Variants in LOC128462377 observed in about 807,000 individuals in gnomAD.
chr16:89,352,421 C>A, the LOC128462377 span, among the ~76,000 whole-genome samples: 1 of 151,458 alleles, frequency 6.6e-6, no homozygotes, highest in African/African-American at 2.4e-5. Flanking sequence ...CCCTCCTGCT[C>A]TCAGGTCAGT....
chr16:89,350,869 C>T, the LOC128462377 span, among the ~76,000 whole-genome samples: 1 of 152,074 alleles, frequency 6.6e-6, no homozygotes, highest in Admixed American at 6.5e-5. Flanking sequence ...GGAACGGGTC[C>T]CATGGCATAA....
chr16:89,338,112 G>A, the LOC128462377 span, among the ~76,000 whole-genome samples: 26 of 152,310 alleles, frequency 1.7e-4, no homozygotes, highest in African/African-American at 6.0e-4. Flanking sequence ...GGCCATCCCA[G>A]GACGCCGCCC....
chr16:89,405,945 AC>A, the LOC128462377 span, among the ~76,000 whole-genome samples: 94 of 152,202 alleles, frequency 6.2e-4, no homozygotes, highest in African/African-American at 2.2e-3. Context: ...CCCCGTCTCT[AC>A]TAAAAAGACA....
chr16:89,388,617 G>A, the LOC128462377 span, among the ~76,000 whole-genome samples: 1 of 152,288 alleles, frequency 6.6e-6, no homozygotes, highest in African/African-American at 2.4e-5. Flanking sequence ...ATTTGCACCT[G>A]AGAAGATGGG....
At chr16:89,416,786 A>G in the LOC128462377 span, among the ~76,000 whole-genome samples, 13 of 152,032 alleles carry the variant, frequency 8.6e-5, no homozygotes, top group Non-Finnish European at 1.5e-4. Context: ...AAAAAAATTA[A>G]AAAAAGAAAA....
chr16:89,373,829 T>G, the LOC128462377 span, among the ~76,000 whole-genome samples: 1 of 152,184 alleles, frequency 6.6e-6, no homozygotes, highest in Non-Finnish European at 1.5e-5. Flanking sequence ...ACAAGATTGG[T>G]AGAACCTTAT....
chr16:89,318,233 C>G, the LOC128462377 span, among the ~76,000 whole-genome samples: 1 of 152,204 alleles, frequency 6.6e-6, no homozygotes, highest in Non-Finnish European at 1.5e-5. Flanking sequence ...CATGGACACT[C>G]TCGGAGCATG....
the LOC128462377 span, among the ~76,000 whole-genome samples, chr16:89,365,462 C>T: frequency 6.6e-6 from 1 of 152,222 alleles, no homozygotes; most frequent in Non-Finnish European, 1.5e-5. Context: ...AGATGAGAGG[C>T]CTGTGCTTGG....
chr16:89,407,600 T>C, the LOC128462377 span, among the ~76,000 whole-genome samples: 1 of 152,162 alleles, frequency 6.6e-6, no homozygotes, highest in African/African-American at 2.4e-5. Context: ...GCAGGTGGAT[T>C]GCTTGAGTTC....
the LOC128462377 span, among the ~76,000 whole-genome samples, chr16:89,399,396 G>C: frequency 6.6e-6 from 1 of 152,142 alleles, no homozygotes; most frequent in African/African-American, 2.4e-5. Context: ...CTGAGTGAAA[G>C]CAGCCCGTCT....
chr16:89,343,455 G>C, the LOC128462377 span, among the ~76,000 whole-genome samples: 2 of 152,182 alleles, frequency 1.3e-5, no homozygotes, highest in African/African-American at 4.8e-5. Context: ...TCTCTTAAAA[G>C]CCAGGGTACA....
the LOC128462377 span, among the ~76,000 whole-genome samples, chr16:89,375,080 G>A: frequency 2.6e-5 from 4 of 152,092 alleles, no homozygotes; most frequent in South Asian, 2.1e-4. Context: ...AGAGGGAAAC[G>A]TAAACAAACG....
the LOC128462377 span, among the ~76,000 whole-genome samples, chr16:89,369,457 G>A: frequency 3.3e-5 from 5 of 152,198 alleles, no homozygotes; most frequent in African/African-American, 1.2e-4. Flanking sequence ...AAGCTCTGCC[G>A]CAGCATGGGT....
At chr16:89,334,165 A>C in the LOC128462377 span, among the ~76,000 whole-genome samples, 2 of 145,026 alleles carry the variant, frequency 1.4e-5, no homozygotes, top group Non-Finnish European at 3.0e-5. Context: ...AAAAAAAAAA[A>C]AAAAAAAACA....
chr16:89,391,110 C>A, the LOC128462377 span, among the ~76,000 whole-genome samples: 2 of 151,726 alleles, frequency 1.3e-5, no homozygotes, highest in African/African-American at 4.8e-5. Context: ...CGCCTGTAGT[C>A]CCAGCTACTC....
At chr16:89,354,014 G>C in the LOC128462377 span, among the ~76,000 whole-genome samples, 1 of 152,138 alleles carries the variant, frequency 6.6e-6, no homozygotes, top group African/African-American at 2.4e-5. Context: ...CCCCAAGTCT[G>C]TAAATAATTG....
the LOC128462377 span, among the ~76,000 whole-genome samples, chr16:89,389,786 C>T: frequency 3.5e-5 from 5 of 144,264 alleles, no homozygotes; most frequent in African/African-American, 1.3e-4. Flanking sequence ...GGGGCAAACA[C>T]CGAGTGTGGC....
the LOC128462377 span, chr16:89,395,997 G>C: frequency 6.6e-6 from 1 of 152,212 alleles, no homozygotes; most frequent in Admixed American, 6.5e-5. Flanking sequence ...CCAATCTTCA[G>C]TCAAAGAATG....
At chr16:89,413,567 G>A in the LOC128462377 span, among the ~76,000 whole-genome samples, 5 of 152,184 alleles carry the variant, frequency 3.3e-5, no homozygotes, top group Admixed American at 2.6e-4. Flanking sequence ...GGAGCTTGCA[G>A]TGAGCCGAGG....
Sources: gnomAD v4.1 joint callset for allele counts (sites outside exome capture counted in the v4.1 genomes callset) on GRCh38, gnomAD v4.1.1 for gene constraint, MANE v1.5 for transcripts.